Variants in TNK2 observed in about 807,000 individuals in gnomAD.
The protein encoded by TNK2 is activated CDC42 kinase 1.
TNK2 carries 83 observed loss-of-function variants against 101.8 expected under a neutral mutation model. The observed-to-expected ratio is 0.82, with a 90% CI of 0.68 to 0.98. The LOEUF is 0.98. TNK2 is among the 50% of genes least tolerant of loss of function. The probability of loss-of-function intolerance (pLI) is 0.00; values close to 1 mark genes in which losing one functional copy is unlikely to be tolerated. For missense variants in TNK2, 1,665 were observed against 1,483.2 expected (o/e 1.12, Z -2.01); for synonymous variants, 804 against 633.0 (o/e 1.27, Z -4.06).
rs1755075277 is a variant in TNK2 at position 195,885,212 on chromosome 3, C to G, written c.235-179G>C. 1 of 1,011,992 alleles carries G rather than the reference C, an allele frequency of 9.9e-7. No homozygotes were observed. Among genetic ancestry groups the G allele is most frequent in the African/African-American group, 1.6e-5 (1 of 61,438 alleles). The allele number at this position is 1,011,992 out of a possible 1,614,324, so 62.7% of individuals were successfully genotyped here. A position where few individuals can be genotyped will look rare whatever the true frequency, so the allele number is the denominator to read the frequency against. ...CCCACACTCCGTCCAGGGCACACCC[C>G]CAAACATGAACCCAAAGCCTGATGC... On this transcript the variant is annotated intron_variant, in intron 3 of 15. Transcript: ENST00000672887. The surrounding 1 kb of genome is among the most constrained non-coding windows in gnomAD (Gnocchi z 4.7).
chr3:195,892,419 G>C, intron 1 of TNK2: 1 of 1,535,018 alleles, frequency 6.5e-7, no homozygotes, highest in East Asian at 2.4e-5. Flanking sequence ...ACTGTGTACA[G>C]GCGTCGCCGC....
In TNK2 at chr3:195,869,487, C is replaced by T; in HGVS notation, c.1588+10G>A. Reference sequence around the variant, plus strand: ...GCGGGGGCCAAGGCATCGGAAGCAGCCCCACTTACTCTGAGTGAAGAAGGC... The same window carrying T: ...GCGGGGGCCAAGGCATCGGAAGCAGTCCCACTTACTCTGAGTGAAGAAGGC... On this transcript the variant is annotated intron_variant, in intron 12 of 15. Transcript: ENST00000672887. 2 of 1,550,428 alleles carry T rather than the reference C, an allele frequency of 1.3e-6. No homozygotes were observed. The highest frequency in any genetic ancestry group is 2.0e-5 in the Admixed American group (1 of 51,000).
Position 195,888,670 on chromosome 3 carries a change from G to C in TNK2, c.-18-64C>G. On this transcript the variant is annotated intron_variant, in intron 1 of 15. Transcript: ENST00000672887. The surrounding 1 kb of genome is among the most constrained non-coding windows in gnomAD (Gnocchi z 5.3). Reference sequence around the variant, plus strand: ...GGGGACAACAGGGGCCTGCCCGAGTGACCTGGGCTCACCTTCATCCCACTA... The same window carrying C: ...GGGGACAACAGGGGCCTGCCCGAGTCACCTGGGCTCACCTTCATCCCACTA... The C allele has an allele frequency of 1.4e-6, 2 of 1,462,750 alleles. No homozygotes were observed. Among genetic ancestry groups the C allele is most frequent in the East Asian group, 2.4e-5 (1 of 41,504 alleles). 90.6% of individuals were successfully genotyped at this position (1,462,750 alleles called of 1,614,324 possible).
intron 6 of TNK2, 84 bp downstream of exon 6, chr3:195,881,967 G>T: frequency 6.7e-7 from 1 of 1,502,928 alleles, no homozygotes. Flanking sequence ...CAAAACCAGG[G>T]GCTGTGGTGG....
rs1355484721 is a variant in TNK2, at chr3:195,896,401, G to A, written c.-18-7795C>T. 15 of 305,486 alleles carry A rather than the reference G, an allele frequency of 4.9e-5. 1 individual carries two copies. Among genetic ancestry groups the A allele is most frequent in the South Asian group, 2.1e-4 (9 of 43,480 alleles). The allele number at this position is 305,486 out of a possible 1,614,324, so 18.9% of individuals were successfully genotyped here. A position where few individuals can be genotyped will look rare whatever the true frequency, so the allele number is the denominator to read the frequency against. On this transcript the variant is annotated intron_variant, in intron 1 of 15. Coordinates refer to ENST00000672887, the MANE Select transcript of TNK2 (RefSeq NM_001382273.1). ...GGTCACTAGGTGAGGCTCCCTCTAC[G>A]GCCCACTCTCCTCACACAGCCCCTT...
At chr3:195,897,693 G>A (rs928836532) in intron 1 of TNK2, among the ~76,000 whole-genome samples, 3 of 151,994 alleles carry the variant, frequency 2.0e-5, no homozygotes, top group African/African-American at 7.3e-5. Flanking sequence ...GTAGAGATGA[G>A]GTTTCGTCAT....
chr3:195,891,602 C>T (rs1003098546), intron 1 of TNK2, among the ~76,000 whole-genome samples: 14 of 152,076 alleles, frequency 9.2e-5, no homozygotes, highest in Non-Finnish European at 1.8e-4. Context: ...GCCTAGGCAG[C>T]GTCTCCTCTC....
intron 1 of TNK2, chr3:195,895,419 T>C: frequency 6.6e-7 from 1 of 1,516,808 alleles, no homozygotes; most frequent in Non-Finnish European, 8.8e-7. Flanking sequence ...TCGAGCATCC[T>C]CCAGAAGTGC....
chr3:195,875,899 T>C (rs1201874174), intron 9 of TNK2, among the ~76,000 whole-genome samples: 2 of 152,184 alleles, frequency 1.3e-5, no homozygotes, highest in East Asian at 1.9e-4. Context: ...GCCCCAGCTC[T>C]GGAAATCTCA....
At position 195,885,071 on chromosome 3, in the gene TNK2, AC is replaced by A. The variant is rs771582785; in HGVS notation, c.235-39del. 1 of 1,535,778 alleles carries A rather than the reference AC, an allele frequency of 6.5e-7. No individual in the cohort carries two copies. Among genetic ancestry groups the A allele is most frequent in the South Asian group, 1.2e-5 (1 of 80,290 alleles). ...AGCCGGGGGCCAGATGGAATCCAACACCCCAGGGTCAGTCACTCAGTCCCAC... is the reference window on the plus strand; with the variant it reads ...AGCCGGGGGCCAGATGGAATCCAACACCCAGGGTCAGTCACTCAGTCCCAC... On this transcript the variant is annotated intron_variant, in intron 3 of 15. Coordinates refer to ENST00000672887, the MANE Select transcript of TNK2 (RefSeq NM_001382273.1). The surrounding 1 kb of genome is among the most constrained non-coding windows in gnomAD (Gnocchi z 4.7).
chr3:195,868,572 TGGCCTTGGTGCCC>T lies in TNK2; in HGVS notation c.1713_1725del (p.Gly572AlafsTer155), dbSNP rs1742549103. On this transcript the variant is annotated frameshift_variant, in exon 13 of 16. Coordinates refer to ENST00000672887, the MANE Select transcript of TNK2 (RefSeq NM_001382273.1). LOFTEE classifies it high-confidence loss of function. ...GTGACCTCAGCCCCGCTGCCTCGGC[TGGCCTTGGTGCCC>T]GGCACCCGCGCCGAGGGCTTCGCCA... is the stretch of plus-strand genomic sequence containing the variant. The T allele has an allele frequency of 6.4e-7, 1 of 1,574,670 alleles. No homozygotes were observed. Among genetic ancestry groups the T allele is most frequent in the African/African-American group, 1.4e-5 (1 of 73,694 alleles).
At position 195,867,603 on chromosome 3, in the gene TNK2, C is replaced by T. The variant is rs777728501; in HGVS notation, c.2695G>A (p.Glu899Lys). The change falls in exon 13 of 16, where the codon GAG becomes AAG. Residue 899 changes from glutamate (E) to lysine (K), a missense_variant. By Grantham distance (56) the Glu-to-Lys change is moderately conservative (BLOSUM62 1). Around this residue, in one of 3 missense-constraint regions of TNK2, gnomAD observed 1,136 missense variants for 894.9 expected, o/e 1.27. Transcript: ENST00000672887. ...RFLREAQSPE[E>K]PTPLPVPLLL... Reference sequence around the variant, plus strand: ...AGAGGCACAGGCAGGGGGGTAGGCTCCTCGGGGCTCTGGGCCTCACGCAGG... The same window carrying T: ...AGAGGCACAGGCAGGGGGGTAGGCTTCTCGGGGCTCTGGGCCTCACGCAGG... The T allele has an allele frequency of 3.8e-6, 6 of 1,595,536 alleles. No individual in the cohort carries two copies. The highest frequency in any genetic ancestry group is 1.7e-4 in the Middle Eastern group (1 of 5,772).
At chr3:195,867,315 C>T in intron 13 of TNK2, 46 bp downstream of exon 13, 1 of 1,610,470 alleles carries the variant, frequency 6.2e-7, no homozygotes, top group Non-Finnish European at 8.5e-7. Context: ...GCTCCAGGCC[C>T]CTTGGGCCCT....
intron 1 of TNK2, among the ~76,000 whole-genome samples, chr3:195,899,601 A>G (rs1482426627): frequency 6.6e-6 from 1 of 152,226 alleles, no homozygotes; most frequent in African/African-American, 2.4e-5. Context: ...CAGGGCTGAG[A>G]TTATAGGCGT....
intron 1 of TNK2, chr3:195,896,213 G>C (rs954880555): frequency 7.1e-6 from 3 of 420,878 alleles, no homozygotes; most frequent in Non-Finnish European, 1.4e-5. Context: ...GGGCCCCAAG[G>C]CACCGCTTCT....
rs1178059989 is a variant in TNK2 at position 195,887,908 on chromosome 3, A to ACGTGCATGCGTGCGTGCGCGTGTGTGCG, written c.163+517_163+518insCGCACACACGCGCACGCACGCATGCACG. 1.2e-4 allele frequency among the ~76,000 whole-genome samples: 17 copies of ACGTGCATGCGTGCGTGCGCGTGTGTGCG among 141,482 alleles called. No homozygotes were observed. The East Asian group carries it at 3.6e-3, about 30-fold the overall frequency. The allele number at this position is 141,482 out of a possible 152,430, so 92.8% of individuals were successfully genotyped here. On this transcript the variant is annotated intron_variant, in intron 2 of 15. Coordinates refer to ENST00000672887, the MANE Select transcript of TNK2 (RefSeq NM_001382273.1). Reference sequence around the variant, plus strand: ...CGTACGCACGTGCATGCGTGTGTGCACGTGCATGCGTGCGTGCACGTGTGT... The same window carrying ACGTGCATGCGTGCGTGCGCGTGTGTGCG: ...CGTACGCACGTGCATGCGTGTGTGCACGTGCATGCGTGCGTGCGCGTGTGTGCGCGTGCATGCGTGCGTGCACGTGTGT...
rs530313973 is a variant in TNK2 at position 195,868,939 on chromosome 3, C to A, written c.1589-230G>T. The stretch of plus-strand genomic sequence containing the variant: ...CGGCAGCCCCATGTGGGCCGGTGAG[C>A]CCCGCCTCGCTCCGTCTAAGCTGCA... On this transcript the variant is annotated intron_variant, in intron 12 of 15. Coordinates refer to ENST00000672887, the MANE Select transcript of TNK2 (RefSeq NM_001382273.1). 1,216 of 561,002 alleles carry A rather than the reference C, an allele frequency of 2.2e-3. 1 individual carries two copies. The highest frequency in any genetic ancestry group is 4.0e-3 in the Admixed American group (111 of 27,658). 34.8% of individuals were successfully genotyped at this position (561,002 alleles called of 1,614,324 possible).
At chr3:195,891,348 G>A (rs893138793) in intron 1 of TNK2, among the ~76,000 whole-genome samples, 1 of 152,252 alleles carries the variant, frequency 6.6e-6, no homozygotes, top group African/African-American at 2.4e-5. Flanking sequence ...GGAGGCTGTG[G>A]TGAGCCAAGA....
At chr3:195,871,820 G>A (rs528161937) in intron 10 of TNK2, among the ~76,000 whole-genome samples, 2 of 152,316 alleles carry the variant, frequency 1.3e-5, no homozygotes, top group African/African-American at 4.8e-5. Flanking sequence ...GGGTGAACCT[G>A]TTTCACAGAT....
Sources: gnomAD v4.1 joint callset for allele counts (sites outside exome capture counted in the v4.1 genomes callset) on GRCh38, gnomAD v4.1.1 for gene constraint, gnomAD v4.1.1 regional missense constraint, Gnocchi (gnomAD v3.1) non-coding constraint, MANE v1.5 for transcripts, NCBI Gene and HGNC (gene_info 2026-07-23, HGNC 2026-07-21) for gene names.